Variants in RGS22 observed in about 807,000 individuals in gnomAD.
RGS22 encodes regulator of G protein signaling 22.
A neutral mutation model predicts 172.9 loss-of-function variants in RGS22; 148 were observed. The ratio of observed to expected loss-of-function variants is 0.86; its 90% CI spans 0.75 to 0.98. RGS22 has a LOEUF of 0.98. RGS22 is among the 50% of genes least tolerant of loss of function. The pLI is 0.00. For missense variants in RGS22, 1,347 were observed against 1,440.8 expected (o/e 0.93, Z 1.05); for synonymous variants, 458 against 480.2 (o/e 0.95, Z 0.60).
rs1381488747 is a variant in RGS22 at position 100,066,275 on chromosome 8, C to A, written c.616G>T (p.Asp206Tyr). The A allele has an allele frequency of 6.2e-7, 1 of 1,613,082 alleles. No individual in the cohort carries two copies. Among genetic ancestry groups the A allele is most frequent in the Non-Finnish European group, 8.5e-7 (1 of 1,179,240 alleles). The change falls in exon 7 of 28, where the codon GAT (aspartate) becomes TAT (tyrosine). Residue 206 changes from aspartate to tyrosine, a missense_variant. By Grantham distance (160) the Asp-to-Tyr change is radical. Coordinates refer to ENST00000360863, the MANE Select transcript of RGS22 (RefSeq NM_015668.5). ...LGEASYTQTK[D>Y]WFALAKQSQQ... is the part of the protein sequence containing the mutation. ...CTTTGTTTTGCTAATGCAAACCAAT[C>A]TTTTGTTTGAGTATAGGAAGCCTAG...
intron 23 of RGS22, among the ~76,000 whole-genome samples, chr8:99,968,263 T>C (rs551818972): frequency 2.0e-5 from 3 of 152,050 alleles, no homozygotes; most frequent in Admixed American, 2.0e-4. Flanking sequence ...GATAAATCCA[T>C]GAAGATGAGG....
At chr8:100,054,084 A>G (rs1424281862) in intron 9 of RGS22, among the ~76,000 whole-genome samples, 1 of 152,210 alleles carries the variant, frequency 6.6e-6, no homozygotes, top group Non-Finnish European at 1.5e-5. Context: ...ACTTAGGGAA[A>G]AGAATGTCTG....
At chr8:99,979,174 A>G (rs1384514587) in intron 22 of RGS22, among the ~76,000 whole-genome samples, 1 of 152,170 alleles carries the variant, frequency 6.6e-6, no homozygotes, top group Non-Finnish European at 1.5e-5. Context: ...TCCAATGTTA[A>G]GGGATCATGG....
At chr8:100,078,382 G>A (rs931824479) in intron 4 of RGS22, among the ~76,000 whole-genome samples, 1 of 150,950 alleles carries the variant, frequency 6.6e-6, no homozygotes, top group Non-Finnish European at 1.5e-5. Flanking sequence ...GGAATCAAAC[G>A]AATGAGACAT....
At chr8:100,096,670 AATT>A (rs1563729986) in intron 2 of RGS22, among the ~76,000 whole-genome samples, 2 of 137,924 alleles carry the variant, frequency 1.5e-5, no homozygotes, top group African/African-American at 2.8e-5. Context: ...ATTTAAAAAA[AATT>A]TTTTTTTTTT....
chr8:100,077,058 G>A (rs895186628), intron 4 of RGS22, among the ~76,000 whole-genome samples: 4 of 151,850 alleles, frequency 2.6e-5, no homozygotes, highest in African/African-American at 2.4e-5. Flanking sequence ...AAAGTTGTTT[G>A]TAAAATTCTC....
chr8:100,101,154 C>T (rs1178028299), intron 2 of RGS22, among the ~76,000 whole-genome samples: 2 of 152,150 alleles, frequency 1.3e-5, no homozygotes, highest in African/African-American at 4.8e-5. Context: ...AAGTCAGGCT[C>T]TTAAATCTTC....
At chr8:99,967,984 C>A (rs1325952431) in intron 23 of RGS22, among the ~76,000 whole-genome samples, 1 of 152,188 alleles carries the variant, frequency 6.6e-6, no homozygotes, top group East Asian at 1.9e-4. Flanking sequence ...CAGGATAGAT[C>A]CAAGTGGCAT....
intron 23 of RGS22, among the ~76,000 whole-genome samples, chr8:99,975,442 T>C (rs915078828): frequency 6.6e-6 from 1 of 152,128 alleles, no homozygotes; most frequent in African/African-American, 2.4e-5. Flanking sequence ...ATTTCCTGTG[T>C]AGCTGGCTAG....
chr8:100,058,413 A>G (rs184984962), intron 9 of RGS22, among the ~76,000 whole-genome samples: 461 of 152,272 alleles, frequency 3.0e-3, no homozygotes, highest in Non-Finnish European at 5.8e-3. Context: ...TTAATACTCA[A>G]ACTCCCAAAG....
At chr8:100,051,230 A>G (rs1364125112) in intron 10 of RGS22, among the ~76,000 whole-genome samples, 2 of 151,230 alleles carry the variant, frequency 1.3e-5, no homozygotes, top group Non-Finnish European at 2.9e-5. Flanking sequence ...AAGAGCAAGG[A>G]GACCAATGTG....
intron 26 of RGS22, 65 bp from the exon 27 acceptor site, chr8:99,962,508 GAGAC>G: frequency 6.5e-7 from 1 of 1,539,846 alleles, no homozygotes; most frequent in South Asian, 1.1e-5. Context: ...GAGAGGAACA[GAGAC>G]AGAGAGAAGC....
chr8:100,050,293 T>G (rs574995787), intron 10 of RGS22, among the ~76,000 whole-genome samples: 1 of 152,256 alleles, frequency 6.6e-6, no homozygotes, highest in Admixed American at 6.5e-5. Flanking sequence ...CAGGAAGCGT[T>G]GAGAACTTCA....
intron 22 of RGS22, 151 bp from the exon 23 acceptor site, chr8:99,978,226 C>T (rs1163225308): frequency 2.2e-6 from 1 of 458,362 alleles, no homozygotes; most frequent in Non-Finnish European, 3.8e-6. Flanking sequence ...TAGTTTTGCT[C>T]AGCACATGCT....
intron 10 of RGS22, among the ~76,000 whole-genome samples, chr8:100,051,829 A>G (rs1331816244): frequency 5.0e-5 from 3 of 60,290 alleles, no homozygotes; most frequent in Non-Finnish European, 8.8e-5. Context: ...ATATTTATAT[A>G]TAAATGTTTA....
At chr8:100,005,244 A>AC (rs1333999293) in intron 16 of RGS22, among the ~76,000 whole-genome samples, 1 of 151,998 alleles carries the variant, frequency 6.6e-6, no homozygotes, top group Non-Finnish European at 1.5e-5. Flanking sequence ...ATCACCTGAA[A>AC]CCTTACCACT....
intron 19 of RGS22, among the ~76,000 whole-genome samples, chr8:99,998,639 T>A (rs574668585): frequency 4.2e-4 from 63 of 151,774 alleles, no homozygotes; most frequent in Non-Finnish European, 7.1e-4. Flanking sequence ...CATGCTTTTT[T>A]AAAAAAAAAT....
chr8:100,015,571 G>A (rs1669402796), intron 14 of RGS22, among the ~76,000 whole-genome samples: 1 of 152,168 alleles, frequency 6.6e-6, no homozygotes, highest in South Asian at 2.1e-4. Context: ...GGGATTACAA[G>A]TGTGAGCCAC....
chr8:100,024,923 C>T (rs1331658121), intron 14 of RGS22, among the ~76,000 whole-genome samples: 3 of 151,802 alleles, frequency 2.0e-5, no homozygotes, highest in East Asian at 1.9e-4. Context: ...ATTAACGAAA[C>T]GTCAGGTATA....
Sources: gnomAD v4.1 joint callset for allele counts (sites outside exome capture counted in the v4.1 genomes callset) on GRCh38, gnomAD v4.1.1 for gene constraint, MANE v1.5 for transcripts, NCBI Gene and HGNC (gene_info 2026-07-23, HGNC 2026-07-21) for gene names.